Variants in C12orf42 observed in about 807,000 individuals in gnomAD.
C12orf42 encodes uncharacterized protein C12orf42.
C12orf42 carries 25 observed loss-of-function variants against 21.6 expected under a neutral mutation model. The observed-to-expected ratio is 1.16, with a 90% CI of 0.84 to 1.62. C12orf42 has a LOEUF of 1.62. C12orf42 is among the 40% of genes most tolerant of loss of function. The pLI is 0.00. For missense variants in C12orf42, 483 were observed against 459.3 expected, an observed-to-expected ratio of 1.05 and a Z score of -0.47; for synonymous variants, 174 against 175.0, an observed-to-expected ratio of 0.99 and a Z score of 0.05.
chr12:103,458,654 A>G (rs1329172986), intron 2 of C12orf42, among the ~76,000 whole-genome samples: 3 of 152,168 alleles, frequency 2.0e-5, no homozygotes, highest in Admixed American at 2.0e-4. Flanking sequence ...CCTTGTGTTT[A>G]AAAGCAAGAA....
intron 1 of C12orf42, among the ~76,000 whole-genome samples, chr12:103,495,579 C>T (rs1248405648): frequency 6.6e-6 from 1 of 150,552 alleles, no homozygotes; most frequent in Non-Finnish European, 1.5e-5. Flanking sequence ...ATCACCTGCT[C>T]GTCTGGGCCG....
At chr12:103,550,959 TTTA>T in the C12orf42 span, among the ~76,000 whole-genome samples, 1 of 152,068 alleles carries the variant, frequency 6.6e-6, no homozygotes, top group East Asian at 1.9e-4. Flanking sequence ...GTTTTCTTTT[TTTA>T]TTCTTAGAAA....
chr12:103,531,677 T>C, the C12orf42 span, among the ~76,000 whole-genome samples: 1 of 152,172 alleles, frequency 6.6e-6, no homozygotes, highest in Non-Finnish European at 1.5e-5. Context: ...ATATATCAAT[T>C]CCTAGAATCT....
At chr12:103,489,770 A>T (rs1444471700) in intron 1 of C12orf42, among the ~76,000 whole-genome samples, 1 of 152,226 alleles carries the variant, frequency 6.6e-6, no homozygotes, top group African/African-American at 2.4e-5. Flanking sequence ...CACAGGAGAA[A>T]ATCTCCTGGT....
chr12:103,111,422 A>G, the C12orf42 span, among the ~76,000 whole-genome samples: 1 of 152,280 alleles, frequency 6.6e-6, no homozygotes, highest in African/African-American at 2.4e-5. Flanking sequence ...CCTTCTGTGG[A>G]GGTTTACATC....
intron 5 of C12orf42, chr12:103,269,993 A>G (rs2035366209): frequency 6.6e-6 from 1 of 152,156 alleles, no homozygotes; most frequent in Non-Finnish European, 1.5e-5. Flanking sequence ...GTGTATGGTA[A>G]TATATGAATA....
chr12:103,560,609 C>G, the C12orf42 span, among the ~76,000 whole-genome samples: 12 of 152,246 alleles, frequency 7.9e-5, no homozygotes, highest in South Asian at 2.5e-3. Context: ...CTCAAAGTGG[C>G]CTACTGAGCC....
intron 4 of C12orf42, among the ~76,000 whole-genome samples, chr12:103,326,648 T>G (rs1340520383): frequency 6.6e-6 from 1 of 152,166 alleles, no homozygotes; most frequent in African/African-American, 2.4e-5. Flanking sequence ...CTGTTCCCTC[T>G]GCTTAGAATG....
intron 5 of C12orf42, among the ~76,000 whole-genome samples, chr12:103,302,835 C>T (rs1015045476): frequency 1.3e-5 from 2 of 152,026 alleles, no homozygotes; most frequent in African/African-American, 4.8e-5. Context: ...AGAAAACTTT[C>T]TATTTCAAGG....
the C12orf42 span, among the ~76,000 whole-genome samples, chr12:103,229,978 TA>T: frequency 0.013 from 2,007 of 152,332 alleles, 36 homozygotes; most frequent in African/African-American, 0.045. Flanking sequence ...AAAAAGTTTG[TA>T]AACCTGACAA....
chr12:103,165,626 A>G, the C12orf42 span, among the ~76,000 whole-genome samples: 1 of 152,192 alleles, frequency 6.6e-6, no homozygotes, highest in Admixed American at 6.5e-5. Context: ...CACACAGGTT[A>G]GTCTTTTAAC....
chr12:103,116,381 A>AAAAAAATATATATATATATAT, the C12orf42 span, among the ~76,000 whole-genome samples: 2 of 136,710 alleles, frequency 1.5e-5, no homozygotes, highest in African/African-American at 5.5e-5. Flanking sequence ...AAAAAAAAAA[A>AAAAAAATATATATATATATAT]ATATATATAT....
At chr12:103,478,067 T>C (rs961610631) in intron 2 of C12orf42, 7 of 307,448 alleles carry the variant, frequency 2.3e-5, no homozygotes, top group Non-Finnish European at 3.6e-5. Context: ...GGGGTTACCT[T>C]AGTAACATAA....
intron 2 of C12orf42, among the ~76,000 whole-genome samples, chr12:103,432,146 G>A (rs1950312653): frequency 6.6e-6 from 1 of 152,102 alleles, no homozygotes; most frequent in African/African-American, 2.4e-5. Flanking sequence ...CTCACTTGAG[G>A]CATTCTTCCC....
At chr12:103,122,293 C>T in the C12orf42 span, among the ~76,000 whole-genome samples, 3 of 152,182 alleles carry the variant, frequency 2.0e-5, no homozygotes, top group Non-Finnish European at 2.9e-5. Context: ...CAATGCATTT[C>T]AGAATTCATT....
chr12:103,324,680 T>G (rs1290774828), intron 4 of C12orf42, among the ~76,000 whole-genome samples: 2 of 152,224 alleles, frequency 1.3e-5, no homozygotes, highest in African/African-American at 2.4e-5. Flanking sequence ...GTTTTACAAG[T>G]GCTCATTTTT....
chr12:103,402,597 A>AT (rs2048094585), intron 2 of C12orf42, among the ~76,000 whole-genome samples: 2 of 152,352 alleles, frequency 1.3e-5, no homozygotes, highest in African/African-American at 4.8e-5. Flanking sequence ...CCCAGAGGTG[A>AT]TTAGAGTCTA....
intron 4 of C12orf42, among the ~76,000 whole-genome samples, chr12:103,333,378 T>C (rs377145666): frequency 4.6e-5 from 7 of 152,346 alleles, no homozygotes; most frequent in East Asian, 3.9e-4. Flanking sequence ...AAATGCTCAA[T>C]AAATGTCAGT....
Position 103,466,865 on chromosome 12 carries a change from T to C in C12orf42, c.78+11484A>G, listed in dbSNP as rs145835412. ...AGTTGTTCAGTCTTGCCCTCTGCCA[T>C]TGCCATGAGAATATGCTCTGGCTAG... On this transcript the variant is annotated intron_variant, in intron 2 of 5. Transcript: ENST00000548883. Among the ~76,000 whole-genome samples, 61 of 152,338 alleles carry C rather than the reference T, an allele frequency of 4.0e-4. No homozygotes were observed. In the East Asian group the frequency reaches 0.011, roughly 27 times the overall value.
Sources: gnomAD v4.1 joint callset for allele counts (sites outside exome capture counted in the v4.1 genomes callset) on GRCh38, gnomAD v4.1.1 for gene constraint, MANE v1.5 for transcripts, NCBI Gene and HGNC (gene_info 2026-07-23, HGNC 2026-07-21) for gene names.